MBD5: variants seen among roughly 807,000 people sequenced by gnomAD.
MBD5 encodes methyl-CpG-binding domain protein 5.
In MBD5, 13 loss-of-function variants were observed where a neutral mutation model predicts 117.3. The observed-to-expected ratio is 0.11, with a 90% CI of 0.07 to 0.18. MBD5 has a LOEUF of 0.18. MBD5 is among the 10% of genes least tolerant of loss of function. The probability of loss-of-function intolerance (pLI) is 1.00; values close to 1 mark genes in which losing one functional copy is unlikely to be tolerated. For missense variants in MBD5, 1,879 were observed against 2,093.8 expected, an observed-to-expected ratio of 0.90 and a Z score of 2.00; for synonymous variants, 727 against 766.4, an observed-to-expected ratio of 0.95 and a Z score of 0.85.
intron 1 of MBD5, among the ~76,000 whole-genome samples, chr2:148,160,047 C>T (rs1697968743): frequency 6.6e-6 from 1 of 152,166 alleles, no homozygotes; most frequent in South Asian, 2.1e-4. Context: ...CCTGGCTGCA[C>T]ATCAGAAACA....
At chr2:148,473,291 T>G (rs560508051) in intron 8 of MBD5, among the ~76,000 whole-genome samples, 1 of 152,198 alleles carries the variant, frequency 6.6e-6, no homozygotes, top group East Asian at 1.9e-4. Flanking sequence ...GACCTTTCTT[T>G]TAATTAATTA....
intron 1 of MBD5, among the ~76,000 whole-genome samples, chr2:148,143,239 T>G (rs938990244): frequency 1.1e-4 from 16 of 152,172 alleles, no homozygotes; most frequent in Admixed American, 9.8e-4. Flanking sequence ...TACCTGGTTT[T>G]GCTTAAAGTC....
intron 1 of MBD5, chr2:148,072,176 A>C (rs920340717): frequency 1.3e-5 from 2 of 152,186 alleles, no homozygotes; most frequent in Non-Finnish European, 2.9e-5. Context: ...ACTTATCGTC[A>C]TAGATATACT....
chr2:148,331,619 A>G (rs960643663), intron 3 of MBD5, among the ~76,000 whole-genome samples: 6 of 152,168 alleles, frequency 3.9e-5, no homozygotes, highest in Admixed American at 1.3e-4. Context: ...ATGAAATTTA[A>G]AAGGCTGATA....
chr2:148,106,336 A>G lies in MBD5; in HGVS notation c.-924-72364A>G, dbSNP rs971497051. Among the ~76,000 whole-genome samples, 24 of 151,952 alleles carry G rather than the reference A, an allele frequency of 1.6e-4. 1 individual carries two copies. Among genetic ancestry groups the G allele is most frequent in the African/African-American group, 5.8e-4 (24 of 41,422 alleles). On this transcript the variant is annotated intron_variant, in intron 1 of 13. Transcript: ENST00000642680. The stretch of plus-strand genomic sequence containing the variant: ...TAAATGAAATCTTTTATCATTTTTA[A>G]TGATACTCATATCTAGGAATGCCTT...
intron 1 of MBD5, among the ~76,000 whole-genome samples, chr2:148,049,518 G>T (rs1030883000): frequency 4.6e-5 from 7 of 152,108 alleles, no homozygotes; most frequent in African/African-American, 1.7e-4. Context: ...TGCTTTCTGT[G>T]GGGGAGAAGG....
At chr2:148,249,044 A>T (rs1345881184) in intron 3 of MBD5, among the ~76,000 whole-genome samples, 2 of 152,158 alleles carry the variant, frequency 1.3e-5, no homozygotes, top group Non-Finnish European at 2.9e-5. Context: ...AAGCAAAACT[A>T]TACAAATTTT....
chr2:148,298,577 T>C (rs1309521506), intron 3 of MBD5, among the ~76,000 whole-genome samples: 1 of 152,228 alleles, frequency 6.6e-6, no homozygotes, highest in Non-Finnish European at 1.5e-5. Context: ...GTTGTTTCAC[T>C]GGGGAGCTCC....
intron 1 of MBD5, among the ~76,000 whole-genome samples, chr2:148,034,441 T>C (rs935785303): frequency 1.3e-5 from 2 of 152,180 alleles, no homozygotes; most frequent in African/African-American, 4.8e-5. Flanking sequence ...CTTCATCAAA[T>C]AAGGTTTAAA....
chr2:148,473,334 T>C (rs1032454435), intron 8 of MBD5, among the ~76,000 whole-genome samples: 1 of 152,094 alleles, frequency 6.6e-6, no homozygotes, highest in Non-Finnish European at 1.5e-5. Flanking sequence ...GGTTTCCTAG[T>C]AGGTGACGTG....
chr2:148,255,455 G>A (rs1260116562), intron 3 of MBD5, among the ~76,000 whole-genome samples: 3 of 152,210 alleles, frequency 2.0e-5, no homozygotes, highest in Non-Finnish European at 2.9e-5. Context: ...AAGTCATACT[G>A]TAGGCCTTTC....
rs150938906 is a variant in MBD5, at chr2:148,031,460, G to A, written c.-925+9776G>A. Among the ~76,000 whole-genome samples the A allele has an allele frequency of 1.6e-3, 245 of 152,172 alleles. 1 individual carries two copies. The highest frequency in any genetic ancestry group is 5.4e-3 in the African/African-American group (224 of 41,530). On this transcript the variant is annotated intron_variant, in intron 1 of 13. Coordinates refer to ENST00000642680, the MANE Select transcript of MBD5 (RefSeq NM_001378120.1). ...GTTTGTCACAGAAGAGGGTAATTCAGGTAAAGACAAAGCTTCCAATGGGTG... is the reference window on the plus strand; with the variant it reads ...GTTTGTCACAGAAGAGGGTAATTCAAGTAAAGACAAAGCTTCCAATGGGTG...
chr2:148,151,472 G>A (rs1050492092), intron 1 of MBD5, among the ~76,000 whole-genome samples: 9 of 152,188 alleles, frequency 5.9e-5, no homozygotes, highest in Admixed American at 5.9e-4. Flanking sequence ...GAGTTAGGGA[G>A]GATTCCCTCT....
At chr2:148,052,184 T>C in intron 1 of MBD5, among the ~76,000 whole-genome samples, 1 of 151,520 alleles carries the variant, frequency 6.6e-6, no homozygotes, top group East Asian at 1.9e-4. Context: ...TTTATTTTCT[T>C]ATGGTATAAG....
chr2:148,034,014 G>A (rs1310390885), intron 1 of MBD5, among the ~76,000 whole-genome samples: 1 of 152,094 alleles, frequency 6.6e-6, no homozygotes, highest in African/African-American at 2.4e-5. Flanking sequence ...GGGCACCATG[G>A]TGAAACCTCA....
intron 1 of MBD5, among the ~76,000 whole-genome samples, chr2:148,118,108 T>C (rs1295719550): frequency 6.6e-6 from 1 of 151,656 alleles, no homozygotes; most frequent in East Asian, 2.0e-4. Context: ...CCAGAACTTA[T>C]CACAGTGCCA....
At chr2:148,258,512 G>A (rs569707773) in intron 3 of MBD5, among the ~76,000 whole-genome samples, 1 of 152,202 alleles carries the variant, frequency 6.6e-6, no homozygotes, top group South Asian at 2.1e-4. Flanking sequence ...GCCTCCAATC[G>A]TCCAGTGTCC....
At chr2:148,053,614 T>A (rs1694778691) in intron 1 of MBD5, among the ~76,000 whole-genome samples, 1 of 152,116 alleles carries the variant, frequency 6.6e-6, no homozygotes, top group Non-Finnish European at 1.5e-5. Context: ...GGCCTGGTTA[T>A]AAAATTTATA....
intron 11 of MBD5, among the ~76,000 whole-genome samples, chr2:148,496,527 A>G (rs1444054809): frequency 6.6e-5 from 10 of 152,250 alleles, no homozygotes; most frequent in Non-Finnish European, 1.5e-5. Context: ...GCTTGTTCAT[A>G]TAATTTCAGA....
Sources: gnomAD v4.1 joint callset for allele counts (sites outside exome capture counted in the v4.1 genomes callset) on GRCh38, gnomAD v4.1.1 for gene constraint, MANE v1.5 for transcripts, NCBI Gene and HGNC (gene_info 2026-07-23, HGNC 2026-07-21) for gene names.